ZNF385D: variants seen among roughly 807,000 people sequenced by gnomAD.
The protein encoded by ZNF385D is zinc finger protein 659.
ZNF385D carries 15 observed loss-of-function variants against 35.8 expected under a neutral mutation model. That is an observed-to-expected ratio of 0.42 (90% confidence interval 0.28 to 0.64). ZNF385D has a LOEUF of 0.64. Ranked by LOEUF, ZNF385D falls within the 30% of genes least tolerant of loss-of-function variation. ZNF385D has a pLI of 0.23. For missense variants in ZNF385D, 474 were observed against 494.6 expected (o/e 0.96, Z 0.39); for synonymous variants, 212 against 186.8 (o/e 1.13, Z -1.10).
chr3:21,537,883 T>C (rs981803883), intron 3 of ZNF385D, among the ~76,000 whole-genome samples: 33 of 152,218 alleles, frequency 2.2e-4, no homozygotes, highest in Admixed American at 1.9e-3. Flanking sequence ...ATTTTTAAAA[T>C]GATGAACACA....
chr3:21,879,466 C>T (rs1374656752), intron 3 of ZNF385D, among the ~76,000 whole-genome samples: 4 of 151,970 alleles, frequency 2.6e-5, no homozygotes, highest in Non-Finnish European at 1.5e-5. Context: ...ATACGAATAG[C>T]AAGACTGTAC....
chr3:21,694,160 C>T (rs1245861576), intron 1 of ZNF385D, among the ~76,000 whole-genome samples: 1 of 150,584 alleles, frequency 6.6e-6, no homozygotes, highest in Non-Finnish European at 1.5e-5. Context: ...TCTCCTGCCT[C>T]AGCCTCCCGA....
At chr3:21,895,295 T>C (rs947807474) in intron 3 of ZNF385D, among the ~76,000 whole-genome samples, 3 of 149,656 alleles carry the variant, frequency 2.0e-5, no homozygotes, top group South Asian at 2.1e-4. Flanking sequence ...CTTTTTGCTA[T>C]GGTTGAATCA....
chr3:21,684,399 T>TC (rs2067028182), intron 1 of ZNF385D, among the ~76,000 whole-genome samples: 1 of 81,270 alleles, frequency 1.2e-5, no homozygotes, highest in Non-Finnish European at 2.1e-5. Flanking sequence ...TCTCTCTCTC[T>TC]CTCTCCTCTC....
At chr3:22,249,946 A>G (rs920340118) in intron 2 of ZNF385D, among the ~76,000 whole-genome samples, 5 of 152,294 alleles carry the variant, frequency 3.3e-5, no homozygotes, top group South Asian at 2.1e-4. Flanking sequence ...TGGGCACCAC[A>G]TATTTTCTCA....
intron 2 of ZNF385D, among the ~76,000 whole-genome samples, chr3:22,230,725 T>C (rs1698836561): frequency 6.6e-6 from 1 of 152,156 alleles, no homozygotes; most frequent in Non-Finnish European, 1.5e-5. Context: ...AAGGAAAAAT[T>C]TGGCCGGTTT....
intron 2 of ZNF385D, among the ~76,000 whole-genome samples, chr3:22,254,525 T>A (rs951078808): frequency 1.3e-5 from 2 of 151,846 alleles, no homozygotes; most frequent in Non-Finnish European, 2.9e-5. Context: ...AAAATATGTA[T>A]ATTTCCTAAA....
intron 3 of ZNF385D, among the ~76,000 whole-genome samples, chr3:21,858,595 G>GACTATTCC (rs1267591378): frequency 1.8e-4 from 28 of 152,182 alleles, no homozygotes; most frequent in Non-Finnish European, 3.2e-4. Flanking sequence ...ATGAGGAATA[G>GACTATTCC]TCTCTCAGGA....
intron 1 of ZNF385D, among the ~76,000 whole-genome samples, chr3:21,670,340 A>T (rs2066528011): frequency 6.6e-6 from 1 of 151,920 alleles, no homozygotes; most frequent in African/African-American, 2.4e-5. Flanking sequence ...ATAAGCTATG[A>T]TTACATTACT....
At chr3:21,756,663 C>A (rs958133172) in intron 3 of ZNF385D, among the ~76,000 whole-genome samples, 3 of 152,026 alleles carry the variant, frequency 2.0e-5, no homozygotes, top group African/African-American at 7.2e-5. Context: ...ATTATAAGAG[C>A]AAAAGCACAA....
chr3:21,752,087 G>GCTTAT (rs2070130774), upstream of ZNF385D, among the ~76,000 whole-genome samples: 1 of 131,890 alleles, frequency 7.6e-6, no homozygotes, highest in Non-Finnish European at 1.5e-5. Flanking sequence ...GCAAAGCTTA[G>GCTTAT]CAAAGCCTCT....
At chr3:21,556,790 G>A (rs557734385) in intron 3 of ZNF385D, among the ~76,000 whole-genome samples, 88 of 152,240 alleles carry the variant, frequency 5.8e-4, no homozygotes, top group African/African-American at 1.9e-3. Flanking sequence ...TCACGATATC[G>A]ATTCTTCCTA....
intron 4 of ZNF385D, among the ~76,000 whole-genome samples, chr3:21,447,710 G>A (rs1015449330): frequency 6.6e-6 from 1 of 152,078 alleles, no homozygotes; most frequent in African/African-American, 2.4e-5. Context: ...GAAGTTGAAC[G>A]AAAAGTGAGA....
At chr3:22,067,244 G>A (rs1182014879) in intron 3 of ZNF385D, among the ~76,000 whole-genome samples, 1 of 152,118 alleles carries the variant, frequency 6.6e-6, no homozygotes, top group African/African-American at 2.4e-5. Context: ...TTTTATGACT[G>A]GAGACATTAA....
chr3:22,301,063 C>G (rs958935317), intron 2 of ZNF385D, among the ~76,000 whole-genome samples: 1 of 151,904 alleles, frequency 6.6e-6, no homozygotes, highest in South Asian at 2.1e-4. Flanking sequence ...ATAAAGAAAA[C>G]GTGTTCTACA....
At chr3:21,680,970 A>G (rs1427791727) in intron 1 of ZNF385D, among the ~76,000 whole-genome samples, 1 of 152,152 alleles carries the variant, frequency 6.6e-6, no homozygotes, top group Admixed American at 6.6e-5. Context: ...GGCTGCTGCC[A>G]CAAGGCAGGG....
chr3:22,340,944 C>T (rs1575154972), intron 2 of ZNF385D, among the ~76,000 whole-genome samples: 1 of 152,162 alleles, frequency 6.6e-6, no homozygotes, highest in Admixed American at 6.5e-5. Flanking sequence ...TATCTCTTCC[C>T]ATATTATCAG....
chr3:22,122,235 G>T (rs140008017), intron 3 of ZNF385D, among the ~76,000 whole-genome samples: 15 of 152,022 alleles, frequency 9.9e-5, no homozygotes, highest in African/African-American at 3.6e-4. Flanking sequence ...ACCAGAACTT[G>T]CTCTTACTAA....
chr3:22,235,676 T>G lies in ZNF385D; in HGVS notation c.107-66641A>C, dbSNP rs1006003920. Among the ~76,000 whole-genome samples the G allele has an allele frequency of 7.9e-5, 12 of 152,202 alleles. No individual in the cohort carries two copies. The East Asian group carries it at 2.1e-3, about 27-fold the overall frequency. ...AACATAAAAATATGCTCAAGTATAT[T>G]TGGAGTCAAAAACTGAAAAACTGAA... On this transcript the variant is annotated intron_variant, in intron 2 of 5. Transcript: ENST00000494108.
Sources: gnomAD v4.1 joint callset for allele counts (sites outside exome capture counted in the v4.1 genomes callset) on GRCh38, gnomAD v4.1.1 for gene constraint, MANE v1.5 for transcripts, NCBI Gene and HGNC (gene_info 2026-07-23, HGNC 2026-07-21) for gene names.